SPATA1: variants seen among roughly 807,000 people sequenced by gnomAD.
SPATA1 encodes the protein spermatogenesis-associated protein 1.
Under a neutral mutation model 59.6 loss-of-function variants are expected in SPATA1, and 57 were observed. That is an observed-to-expected ratio of 0.96 (90% confidence interval 0.77 to 1.19). The LOEUF is 1.19. Ranked by LOEUF, SPATA1 falls within the 50% of genes most tolerant of loss-of-function variation. The probability of loss-of-function intolerance (pLI) is 0.00; values close to 1 mark genes in which losing one functional copy is unlikely to be tolerated. For missense variants in SPATA1, 448 were observed against 480.7 expected, an observed-to-expected ratio of 0.93 and a Z score of 0.64; for synonymous variants, 147 against 163.9, an observed-to-expected ratio of 0.90 and a Z score of 0.79.
exon 11 of SPATA1, chr1:84,548,947 A>G (rs1282248060): frequency 1.5e-5 from 23 of 1,585,784 alleles, no homozygotes; most frequent in African/African-American, 2.7e-5. Flanking sequence ...GAATCTGGCA[A>G]ACATCACAGA....
At chr1:84,512,372 T>C (rs915348057) in intron 1 of SPATA1, among the ~76,000 whole-genome samples, 2 of 152,242 alleles carry the variant, frequency 1.3e-5, no homozygotes, top group Admixed American at 6.5e-5. Context: ...TATAAGGGAC[T>C]AGAAATCTGC....
In SPATA1 at chr1:84,525,832, C is replaced by T. The variant is rs1292834126; in HGVS notation, c.316-13C>T. The T allele has an allele frequency of 6.2e-7, 1 of 1,604,420 alleles. No individual in the cohort carries two copies. Among genetic ancestry groups the T allele is most frequent in the South Asian group, 1.1e-5 (1 of 89,178 alleles). ...ATTGCAAACTAACTTTTAAAATTTC[C>T]TATATGTTTTAGGCTCTTCAACCAG... On this transcript the variant is annotated splice_polypyrimidine_tract_variant and intron_variant, in intron 5 of 12. Transcript: ENST00000490879.
intron 4 of SPATA1, among the ~76,000 whole-genome samples, chr1:84,562,665 T>G (rs1684617022): frequency 6.6e-6 from 1 of 152,246 alleles, no homozygotes; most frequent in Admixed American, 6.5e-5. Context: ...CATTTTGGTA[T>G]AGCAATTCCT....
chr1:84,561,191 G>C (rs937785822), intron 4 of SPATA1, among the ~76,000 whole-genome samples: 1 of 152,144 alleles, frequency 6.6e-6, no homozygotes, highest in Non-Finnish European at 1.5e-5. Flanking sequence ...CATGGGAGGA[G>C]GTCAAAATAT....
At position 84,545,623 on chromosome 1, in the gene SPATA1, A is replaced by G; in HGVS notation, c.821-11A>G. 1 of 1,504,434 alleles carries G rather than the reference A, an allele frequency of 6.6e-7. No individual in the cohort carries two copies. The allele number at this position is 1,504,434 out of a possible 1,614,324, so 93.2% of individuals were successfully genotyped here. Reference sequence around the variant, plus strand: ...TGAGACATTGATGAATATGAGTTATAATCTCTTTAGGAGAGAAGATTATCA... The same window carrying G: ...TGAGACATTGATGAATATGAGTTATGATCTCTTTAGGAGAGAAGATTATCA... On this transcript the variant is annotated splice_polypyrimidine_tract_variant and intron_variant, in intron 9 of 12. Coordinates refer to ENST00000490879, the Ensembl canonical transcript of SPATA1.
intron 6 of SPATA1, among the ~76,000 whole-genome samples, chr1:84,531,231 C>T (rs560640231): frequency 2.0e-5 from 3 of 151,966 alleles, no homozygotes; most frequent in Non-Finnish European, 4.4e-5. Flanking sequence ...GGCACAATCT[C>T]GGCTCACTGC....
chr1:84,537,772 G>C (rs1683756602), intron 8 of SPATA1, among the ~76,000 whole-genome samples: 1 of 152,160 alleles, frequency 6.6e-6, no homozygotes, highest in Admixed American at 6.5e-5. Flanking sequence ...CCACCAATAG[G>C]GTGGAGGTTT....
intron 12 of SPATA1, chr1:84,551,825 C>G (rs369906569): frequency 1.8e-4 from 27 of 152,124 alleles, no homozygotes. Flanking sequence ...AACTTGTACA[C>G]TTAATAATTG....
intron 1 of SPATA1, among the ~76,000 whole-genome samples, chr1:84,512,864 C>T (rs1682632489): frequency 6.6e-6 from 1 of 152,164 alleles, no homozygotes. Context: ...ATTGATTTTC[C>T]ATTCCTGGCA....
At chr1:84,508,382 CT>C (rs1437054319) in intron 1 of SPATA1, among the ~76,000 whole-genome samples, 5 of 152,090 alleles carry the variant, frequency 3.3e-5, no homozygotes, top group Non-Finnish European at 7.4e-5. Flanking sequence ...ATCTCTTAAA[CT>C]TTTGTTTAGA....
intron 1 of SPATA1, among the ~76,000 whole-genome samples, chr1:84,509,577 A>G (rs1470752583): frequency 1.3e-5 from 2 of 152,166 alleles, no homozygotes; most frequent in African/African-American, 4.8e-5. Flanking sequence ...CAGCCTGGCC[A>G]ACATATAGTG....
chr1:84,547,779 T>A (rs1011803016), intron 10 of SPATA1, among the ~76,000 whole-genome samples: 1 of 152,088 alleles, frequency 6.6e-6, no homozygotes, highest in Non-Finnish European at 1.5e-5. Context: ...ATCAGAAAGG[T>A]CAGCAAGGAA....
At chr1:84,545,161 G>A (rs1684045259) in intron 9 of SPATA1, among the ~76,000 whole-genome samples, 1 of 150,654 alleles carries the variant, frequency 6.6e-6, no homozygotes, top group Non-Finnish European at 1.5e-5. Context: ...AGGTTGGAGT[G>A]AGCCAGTATT....
chr1:84,544,526 T>C (rs1038968024), intron 9 of SPATA1, among the ~76,000 whole-genome samples: 20 of 152,072 alleles, frequency 1.3e-4, no homozygotes, highest in Admixed American at 1.2e-3. Context: ...TAATATGTTC[T>C]ACAACAATAA....
intron 8 of SPATA1, among the ~76,000 whole-genome samples, chr1:84,534,330 G>T (rs1216700148): frequency 6.6e-6 from 1 of 152,014 alleles, no homozygotes; most frequent in Non-Finnish European, 1.5e-5. Flanking sequence ...TCTTAAGAAT[G>T]ATAACAATAC....
At chr1:84,552,885 C>T (rs1036650017) in intron 12 of SPATA1, 34 of 579,376 alleles carry the variant, frequency 5.9e-5, no homozygotes, top group Non-Finnish European at 9.2e-6. Flanking sequence ...TACACATTTA[C>T]TGTAGTAATC....
In SPATA1 at chr1:84,522,941, T is replaced by TG. The variant is rs1308565314; in HGVS notation, c.261+435dup. ...TTTTTTTTTTTCCGAGACGGAGTCT[T>TG]GCTCTGTCACCCTGGCTAGAGTGCT... On this transcript the variant is annotated intron_variant, in intron 4 of 12. Coordinates refer to ENST00000490879, the Ensembl canonical transcript of SPATA1. Among the ~76,000 whole-genome samples the TG allele has an allele frequency of 4.4e-4, 66 of 151,650 alleles. 1 individual carries two copies. Among genetic ancestry groups the TG allele is most frequent in the Non-Finnish European group, 1.2e-4 (8 of 67,936 alleles).
chr1:84,534,217 T>C (rs1475774632), intron 8 of SPATA1, among the ~76,000 whole-genome samples: 1 of 152,096 alleles, frequency 6.6e-6, no homozygotes, highest in African/African-American at 2.4e-5. Flanking sequence ...TGCACTGGTT[T>C]AAACGAGTTA....
At position 84,553,062 on chromosome 1, in the gene SPATA1, CGAACATTGAAAACT is replaced by C; in HGVS notation, c.1257_1270del (p.Leu420GlyfsTer19). Reference sequence around the variant, plus strand: ...GAGAAAACAAGCAGTTTCAGATTTACGAACATTGAAAACTGAACTGGCACAGAAAAAAAAAATAA... The same window carrying C: ...GAGAAAACAAGCAGTTTCAGATTTACGAACTGGCACAGAAAAAAAAAATAA... On this transcript the variant is annotated frameshift_variant, in exon 13 of 13. Coordinates refer to ENST00000490879, the Ensembl canonical transcript of SPATA1. LOFTEE classifies it low-confidence loss of function (END_TRUNC). 1 of 1,525,640 alleles carries C rather than the reference CGAACATTGAAAACT, an allele frequency of 6.6e-7. No individual in the cohort carries two copies. The highest frequency in any genetic ancestry group is 8.8e-7 in the Non-Finnish European group (1 of 1,137,294). 94.5% of individuals were successfully genotyped at this position (1,525,640 alleles called of 1,614,324 possible). A position where few individuals can be genotyped will look rare whatever the true frequency, so the allele number is the denominator to read the frequency against.
Sources: gnomAD v4.1 joint callset for allele counts (sites outside exome capture counted in the v4.1 genomes callset) on GRCh38, gnomAD v4.1.1 for gene constraint, MANE v1.5 for transcripts, NCBI Gene and HGNC (gene_info 2026-07-23, HGNC 2026-07-21) for gene names.